Variants in FBXL20 observed in about 807,000 individuals in gnomAD.
FBXL20 encodes F-box/LRR-repeat protein 20.
Under a neutral mutation model 64.0 loss-of-function variants are expected in FBXL20, and 11 were observed. The ratio of observed to expected loss-of-function variants is 0.17; its 90% CI spans 0.11 to 0.28. The LOEUF (loss-of-function observed/expected upper bound fraction) is 0.28. FBXL20 is among the 10% of genes least tolerant of loss of function. The probability of loss-of-function intolerance (pLI) is 1.00; values close to 1 mark genes in which losing one functional copy is unlikely to be tolerated. For missense variants in FBXL20, 303 were observed against 526.2 expected (o/e 0.58, Z 4.15); for synonymous variants, 184 against 189.0 (o/e 0.97, Z 0.22).
chr17:39,320,833 T>C (rs769090646), intron 2 of FBXL20, among the ~76,000 whole-genome samples: 14 of 152,080 alleles, frequency 9.2e-5, no homozygotes, highest in Admixed American at 7.9e-4. Flanking sequence ...AGGGTTCAAG[T>C]GATCCACTGG....
intron 2 of FBXL20, among the ~76,000 whole-genome samples, chr17:39,338,557 C>T (rs879813626): frequency 1.1e-4 from 15 of 139,020 alleles, no homozygotes; most frequent in East Asian, 2.0e-4. Context: ...TAATAATAAA[C>T]GAAAAAAGTC....
rs1285836009 is a variant in FBXL20, at chr17:39,304,033, TACACACACAA to T, written c.105-404_105-395del. 8.7e-5 allele frequency among the ~76,000 whole-genome samples: 13 copies of T among 149,224 alleles called. No individual in the cohort carries two copies. In the East Asian group the frequency reaches 1.6e-3, roughly 18 times the overall value. On this transcript the variant is annotated intron_variant, in intron 2 of 14. Transcript: ENST00000264658. ...ATAGAAATAACAGACTACATGTATA[TACACACACAA>T]ACACAAAGGCAGTTCTTTAGAAGAA...
At chr17:39,338,676 A>C (rs2047553122) in intron 2 of FBXL20, among the ~76,000 whole-genome samples, 1 of 152,202 alleles carries the variant, frequency 6.6e-6, no homozygotes, top group African/African-American at 2.4e-5. Flanking sequence ...TAACTAAGTG[A>C]CCAAAATTAA....
chr17:39,319,452 C>T (rs1481331647), intron 2 of FBXL20, among the ~76,000 whole-genome samples: 1 of 151,890 alleles, frequency 6.6e-6, no homozygotes, highest in Non-Finnish European at 1.5e-5. Context: ...TTTGGGAGGA[C>T]GAGGTGGGCG....
At chr17:39,343,347 T>C (rs553139781) in intron 1 of FBXL20, 106 bp from the exon 2 acceptor site, 383 of 745,374 alleles carry the variant, frequency 5.1e-4, no homozygotes, top group Middle Eastern at 8.6e-4. Flanking sequence ...TAAAAAAATA[T>C]AGTCGGCATC....
intron 1 of FBXL20, among the ~76,000 whole-genome samples, chr17:39,394,278 CTTTTT>C (rs529406292): frequency 1.5e-5 from 2 of 134,294 alleles, no homozygotes; most frequent in African/African-American, 5.6e-5. Flanking sequence ...ATTACTGAAA[CTTTTT>C]TTTTTTTTTT....
intron 2 of FBXL20, among the ~76,000 whole-genome samples, chr17:39,336,055 G>C (rs1006852291): frequency 2.0e-5 from 3 of 151,938 alleles, no homozygotes; most frequent in African/African-American, 7.3e-5. Context: ...CCAGGAGTTT[G>C]GGACTGCCAT....
intron 9 of FBXL20, 22 bp from the exon 10 acceptor site, chr17:39,275,122 AT>A: frequency 1.3e-6 from 2 of 1,597,658 alleles, no homozygotes; most frequent in Non-Finnish European, 1.7e-6. Context: ...GAGCAAAAAA[AT>A]CCATAGATAT....
At chr17:39,378,461 A>C (rs949450527) in intron 1 of FBXL20, among the ~76,000 whole-genome samples, 1 of 152,160 alleles carries the variant, frequency 6.6e-6, no homozygotes, top group Non-Finnish European at 1.5e-5. Flanking sequence ...ATAAAAAACT[A>C]AACGGGCAAA....
intron 1 of FBXL20, among the ~76,000 whole-genome samples, chr17:39,383,078 T>C (rs1333368660): frequency 6.8e-6 from 1 of 147,056 alleles, no homozygotes; most frequent in Non-Finnish European, 1.5e-5. Context: ...TCGGAGAATC[T>C]CTTGAACCCG....
rs2046876114 is a variant in FBXL20 at position 39,274,884 on chromosome 17, T to G, written c.827+86A>C. On this transcript the variant is annotated intron_variant, in intron 10 of 14. Coordinates refer to ENST00000264658, the MANE Select transcript of FBXL20 (RefSeq NM_032875.3). Reference sequence around the variant, plus strand: ...TTTCAAAGCGTCTGCAGTGCCTACCTTAAAATTCCAAAGTTCCAAGGAAGA... The same window carrying G: ...TTTCAAAGCGTCTGCAGTGCCTACCGTAAAATTCCAAAGTTCCAAGGAAGA... 5 of 1,578,298 alleles carry G rather than the reference T, an allele frequency of 3.2e-6. No individual in the cohort carries two copies. In the South Asian group the frequency reaches 5.8e-5, roughly 18 times the overall value.
intron 1 of FBXL20, among the ~76,000 whole-genome samples, chr17:39,370,807 A>G (rs950066027): frequency 2.6e-5 from 4 of 151,806 alleles, no homozygotes; most frequent in African/African-American, 9.7e-5. Flanking sequence ...AAAAAAAAAA[A>G]AAAGAAAAGA....
chr17:39,333,099 T>C (rs1019158130), intron 2 of FBXL20, among the ~76,000 whole-genome samples: 1 of 151,894 alleles, frequency 6.6e-6, no homozygotes, highest in African/African-American at 2.4e-5. Flanking sequence ...CACACCTGGC[T>C]CTCTACTATT....
In FBXL20 at chr17:39,305,062, C is replaced by T. The variant is rs151242520; in HGVS notation, c.105-1423G>A. On this transcript the variant is annotated intron_variant, in intron 2 of 14. Coordinates refer to ENST00000264658, the MANE Select transcript of FBXL20 (RefSeq NM_032875.3). ...CGTGAGCCACCACACCCAGCCCCTG[C>T]TGGGAAGGATCTTAATGAAGTATTT... Among the ~76,000 whole-genome samples the T allele has an allele frequency of 3.3e-5, 5 of 151,728 alleles. No homozygotes were observed. The East Asian group carries it at 9.7e-4, about 29-fold the overall frequency.
In FBXL20 at chr17:39,261,269, A is replaced by C. The variant is rs934039375; in HGVS notation, c.*191T>G. ...CATCACAAACTTCAGTCCCATGGTC[A>C]CAAAGCTAGAGTGGATGGGGGTAAG... On this transcript the variant is annotated 3_prime_UTR_variant, in exon 15 of 15. Coordinates refer to ENST00000264658, the MANE Select transcript of FBXL20 (RefSeq NM_032875.3). 9 of 531,118 alleles carry C rather than the reference A, an allele frequency of 1.7e-5. No homozygotes were observed. The African/African-American group carries it at 1.8e-4, about 10-fold the overall frequency. The allele number at this position is 531,118 out of a possible 1,614,324, so 32.9% of individuals were successfully genotyped here.
Position 39,299,206 on chromosome 17 carries a change from AG to A in FBXL20, c.235-123del, listed in dbSNP as rs2047112741. 4.4e-6 allele frequency: 3 copies of A among 679,314 alleles called. No individual in the cohort carries two copies. The South Asian group carries it at 6.4e-5, about 15-fold the overall frequency. 42.1% of individuals were successfully genotyped at this position (679,314 alleles called of 1,614,324 possible). ...TGCTTCTATTATGACCTAATTTAAT[AG>A]GAAAATTGTAACTTACCCTGAGAAA... On this transcript the variant is annotated intron_variant, in intron 4 of 14. Coordinates refer to ENST00000264658, the MANE Select transcript of FBXL20 (RefSeq NM_032875.3).
At chr17:39,281,043 C>T (rs754305194) in intron 9 of FBXL20, among the ~76,000 whole-genome samples, 2 of 152,206 alleles carry the variant, frequency 1.3e-5, no homozygotes, top group Non-Finnish European at 2.9e-5. Context: ...GGATTACAGG[C>T]ATGAGCCACC....
chr17:39,380,506 C>T (rs756291381), intron 1 of FBXL20, among the ~76,000 whole-genome samples: 7 of 152,168 alleles, frequency 4.6e-5, no homozygotes, highest in Non-Finnish European at 8.8e-5. Context: ...GATAACCACA[C>T]ACCTTGCTTT....
At chr17:39,400,025 C>A (rs2048226124) in intron 1 of FBXL20, among the ~76,000 whole-genome samples, 1 of 152,120 alleles carries the variant, frequency 6.6e-6, no homozygotes, top group Non-Finnish European at 1.5e-5. Flanking sequence ...GAATACGAAA[C>A]CATCATAAAT....
Sources: gnomAD v4.1 joint callset for allele counts (sites outside exome capture counted in the v4.1 genomes callset) on GRCh38, gnomAD v4.1.1 for gene constraint, MANE v1.5 for transcripts, NCBI Gene and HGNC (gene_info 2026-07-23, HGNC 2026-07-21) for gene names.